Variants in CXCR4 observed in about 807,000 individuals in gnomAD.
CXCR4 encodes C-X-C motif chemokine receptor 4, also known as C-X-C chemokine receptor type 4.
In CXCR4, 6 loss-of-function variants were observed where a neutral mutation model predicts 22.4. The ratio of observed to expected loss-of-function variants is 0.27; its 90% CI spans 0.15 to 0.53. CXCR4 has a LOEUF of 0.53. Among genes scored for constraint, CXCR4 ranks in the 20% least tolerant of loss-of-function variants. The pLI, the probability that CXCR4 is intolerant of heterozygous loss-of-function variation, is 0.96. For missense variants in CXCR4, 300 were observed against 430.4 expected, an observed-to-expected ratio of 0.70 and a Z score of 2.68; for synonymous variants, 155 against 171.7, an observed-to-expected ratio of 0.90 and a Z score of 0.76.
chr2:136,118,111 C>T lies in CXCR4; in HGVS notation c.-51G>A, dbSNP rs2104922549. 6.2e-7 allele frequency: 1 copy of T among 1,603,872 alleles called. No homozygotes were observed. The highest frequency in any genetic ancestry group is 1.1e-5 in the South Asian group (1 of 90,392). The stretch of plus-strand genomic sequence containing the variant: ...GTGGCTACTGGAGCACTCAGGCCCT[C>T]GGCGTCACTTTGCTACCTGCTGCCG... On this transcript the variant is annotated 5_prime_UTR_variant, in exon 1 of 2. Transcript: ENST00000241393.
chr2:136,115,192 G>C lies in CXCR4; in HGVS notation c.736C>G (p.Leu246Val). The change falls in exon 2 of 2, where the codon CTG (leucine) becomes GTG (valine). Residue 246 changes from leucine to valine, a missense_variant. Leu to Val is a conservative substitution (Grantham distance 32). Coordinates refer to ENST00000241393, the MANE Select transcript of CXCR4 (RefSeq NM_003467.3). This position sits in a 1 kb window ranked among gnomAD's most constrained non-coding sequence, Gnocchi z 6.4. ...GGCAGCCAACAGGCGAAGAAAGCCA[G>C]GATGAGGATGACTGTGGTCTTGAGG... ...KALKTTVILI[L>V]AFFACWLPYY... The C allele has an allele frequency of 6.2e-7, 1 of 1,614,218 alleles. No individual in the cohort carries two copies. Among genetic ancestry groups the C allele is most frequent in the South Asian group, 1.1e-5 (1 of 91,080 alleles).
intron 1 of CXCR4, chr2:136,117,490 A>G (rs1684936457): frequency 6.5e-6 from 1 of 153,922 alleles, no homozygotes; most frequent in South Asian, 1.7e-4. Context: ...GGAGACTGGC[A>G]CAGCTCCGTC....
chr2:136,117,672 A>C, intron 1 of CXCR4: 1 of 206,432 alleles, frequency 4.8e-6, no homozygotes, highest in East Asian at 1.3e-4. Context: ...CGCTTCCCCA[A>C]GGAAGAGACC....
chr2:136,114,541 T>C lies in CXCR4; in HGVS notation c.*328A>G. On this transcript the variant is annotated 3_prime_UTR_variant, in exon 2 of 2. Coordinates refer to ENST00000241393, the MANE Select transcript of CXCR4 (RefSeq NM_003467.3). ...ACGTTCCACGGGAATGGAGAGATTA[T>C]CTATGCATAAACAGCTGGGGATCAT... 3.8e-6 allele frequency: 1 copy of C among 266,182 alleles called. No individual in the cohort carries two copies. Among genetic ancestry groups the C allele is most frequent in the South Asian group, 8.2e-5 (1 of 12,126 alleles). 16.5% of individuals were successfully genotyped at this position (266,182 alleles called of 1,614,324 possible). A position where few individuals can be genotyped will look rare whatever the true frequency, so the allele number is the denominator to read the frequency against.
chr2:136,117,809 C>T (rs1684958094), intron 1 of CXCR4: 1 of 526,166 alleles, frequency 1.9e-6, no homozygotes, highest in Non-Finnish European at 3.3e-6. Context: ...CATGCAGCCA[C>T]TGGAACGCTC....
Position 136,115,224 on chromosome 2 carries a change from C to T in CXCR4, c.704G>A (p.Arg235His), listed in dbSNP as rs377287446. The stretch of plus-strand genomic sequence containing the variant: ...GATGACTGTGGTCTTGAGGGCCTTG[C>T]GCTTCTGGTGGCCCTTGGAGTGTGA... ...KLSHSKGHQK[R>H]KALKTTVILI... is the part of the protein sequence containing the mutation. Residue 235 changes from arginine (R) to histidine (H), a missense_variant, in exon 2 of 2, where the codon CGC becomes CAC. Arg to His is a conservative substitution (Grantham distance 29, BLOSUM62 0). Coordinates refer to ENST00000241393, the MANE Select transcript of CXCR4 (RefSeq NM_003467.3). This position sits in a 1 kb window ranked among gnomAD's most constrained non-coding sequence, Gnocchi z 6.4. 2.1e-5 allele frequency: 34 copies of T among 1,613,880 alleles called. No homozygotes were observed. The highest frequency in any genetic ancestry group is 9.4e-5 in the African/African-American group (7 of 74,844).
Position 136,114,920 on chromosome 2 carries a change from T to G in CXCR4, c.1008A>C (p.Gly336=). The G allele has an allele frequency of 6.2e-7, 1 of 1,612,204 alleles. No individual in the cohort carries two copies. Among genetic ancestry groups the G allele is most frequent in the Non-Finnish European group, 8.5e-7 (1 of 1,178,938 alleles). Residue 336 remains glycine, a synonymous_variant, in exon 2 of 2, where the codon GGA becomes GGC. Transcript: ENST00000241393. ...CAGACTCAGTGGAAACAGATGAATG[T>G]CCACCTCGCTTTCCTTTGGAGAGGA... is the stretch of plus-strand genomic sequence containing the variant. The part of the protein sequence containing the change: ...LKILSKGKRG[G]HSSVSTESES...
intron 1 of CXCR4, chr2:136,117,654 G>A (rs1684950433): frequency 5.1e-6 from 1 of 194,588 alleles, no homozygotes; most frequent in African/African-American, 2.4e-5. Context: ...CTCGCTCCAA[G>A]ACATCCCCGC....
In CXCR4 at chr2:136,118,085, G is replaced by C; in HGVS notation, c.-25C>G. 1.2e-6 allele frequency: 2 copies of C among 1,612,496 alleles called. No individual in the cohort carries two copies. The highest frequency in any genetic ancestry group is 1.7e-6 in the Non-Finnish European group (2 of 1,178,752). On this transcript the variant is annotated 5_prime_UTR_variant, in exon 1 of 2. Coordinates refer to ENST00000241393, the MANE Select transcript of CXCR4 (RefSeq NM_003467.3). ...TGGTAACCGCTGGTTCTCCAGATGCGGTGGCTACTGGAGCACTCAGGCCCT... is the reference window on the plus strand; with the variant it reads ...TGGTAACCGCTGGTTCTCCAGATGCCGTGGCTACTGGAGCACTCAGGCCCT...
Position 136,116,326 on chromosome 2 carries a change from G to A in CXCR4, c.16-414C>T. Reference sequence around the variant, plus strand: ...GGGGTGGGGTGGGTGCTGCTAGGAGGGGCAGTGATTAACTTTTTGTAAGAA... The same window carrying A: ...GGGGTGGGGTGGGTGCTGCTAGGAGAGGCAGTGATTAACTTTTTGTAAGAA... On this transcript the variant is annotated intron_variant, in intron 1 of 1. Coordinates refer to ENST00000241393, the MANE Select transcript of CXCR4 (RefSeq NM_003467.3). 5.1e-6 allele frequency: 4 copies of A among 790,044 alleles called. No individual in the cohort carries two copies. In the South Asian group the frequency reaches 1.0e-4, roughly 20 times the overall value. The allele number at this position is 790,044 out of a possible 1,614,324, so 48.9% of individuals were successfully genotyped here.
At position 136,115,130 on chromosome 2, in the gene CXCR4, G is replaced by A. The variant is rs781570700; in HGVS notation, c.798C>T (p.Leu266=). Residue 266 remains leucine, a synonymous_variant, in exon 2 of 2, where the codon CTC becomes CTT. Transcript: ENST00000241393. The surrounding 1 kb of genome is among the most constrained non-coding windows in gnomAD (Gnocchi z 6.4). The part of the protein sequence containing the change: ...YIGISIDSFI[L]LEIIKQGCEF... The stretch of plus-strand genomic sequence containing the variant: ...CACACCCTTGCTTGATGATTTCCAG[G>A]AGGATGAAGGAGTCGATGCTGATCC... 2 of 1,614,202 alleles carry A rather than the reference G, an allele frequency of 1.2e-6. No homozygotes were observed. The highest frequency in any genetic ancestry group is 1.7e-6 in the Non-Finnish European group (2 of 1,180,040).
intron 1 of CXCR4, chr2:136,117,800 A>G (rs1170143863): frequency 1.2e-5 from 6 of 484,648 alleles, no homozygotes; most frequent in Admixed American, 1.1e-4. Context: ...GGGGAGACAC[A>G]TGCAGCCACT....
chr2:136,117,976 C>T, intron 1 of CXCR4, 70 bp downstream of exon 1: 1 of 1,548,322 alleles, frequency 6.5e-7, no homozygotes, highest in Admixed American at 1.7e-5. Flanking sequence ...TCTGCCCGCT[C>T]GGAGAGGGGC....
chr2:136,116,190 A>G, intron 1 of CXCR4: 1 of 1,353,130 alleles, frequency 7.4e-7, no homozygotes, highest in East Asian at 3.2e-5. Flanking sequence ...GAGGGTTTCA[A>G]AGTCACATCT....
chr2:136,116,550 G>T (rs2104919387), intron 1 of CXCR4, among the ~76,000 whole-genome samples: 1 of 152,294 alleles, frequency 6.6e-6, no homozygotes, highest in East Asian at 1.9e-4. Flanking sequence ...GGTGCTTGGG[G>T]TATATTGGGC....
In CXCR4 at chr2:136,115,659, G is replaced by A. The variant is rs756830956; in HGVS notation, c.269C>T (p.Thr90Met). 8.1e-6 allele frequency: 13 copies of A among 1,614,234 alleles called. No individual in the cohort carries two copies. Among genetic ancestry groups the A allele is most frequent in the Admixed American group, 5.0e-5 (3 of 60,034 alleles). ...LSVADLLFVI[T>M]LPFWAVDAVA... Reference sequence around the variant, plus strand: ...GGCATCAACTGCCCAGAAGGGAAGCGTGATGACAAAGAGGAGGTCGGCCAC... The same window carrying A: ...GGCATCAACTGCCCAGAAGGGAAGCATGATGACAAAGAGGAGGTCGGCCAC... Residue 90 changes from threonine to methionine, a missense_variant, in exon 2 of 2, where the codon ACG becomes ATG. Thr to Met is a moderately conservative substitution (Grantham distance 81). Around this residue, in one of 3 missense-constraint regions of CXCR4, gnomAD observed 118 missense variants for 188.2 expected, o/e 0.63. Coordinates refer to ENST00000241393, the MANE Select transcript of CXCR4 (RefSeq NM_003467.3). The surrounding 1 kb of genome is among the most constrained non-coding windows in gnomAD (Gnocchi z 6.4).
intron 1 of CXCR4, chr2:136,116,298 TG>T (rs1441854186): frequency 9.6e-7 from 1 of 1,036,784 alleles, no homozygotes; most frequent in Non-Finnish European, 1.2e-6. Flanking sequence ...CCAGGCGGCG[TG>T]GGGGGTGGGG....
At chr2:136,117,963 G>C (rs917872187) in intron 1 of CXCR4, 83 bp downstream of exon 1, 2 of 1,424,120 alleles carry the variant, frequency 1.4e-6, no homozygotes, top group Non-Finnish European at 2.0e-6. Flanking sequence ...TGTCCTGGCC[G>C]CTTCTGCCCG....
Position 136,115,238 on chromosome 2 carries a change from C to T in CXCR4, c.690G>A (p.Lys230=), listed in dbSNP as rs769242131. The T allele has an allele frequency of 3.1e-6, 5 of 1,613,962 alleles. No homozygotes were observed. Among genetic ancestry groups the T allele is most frequent in the South Asian group, 1.1e-5 (1 of 91,066 alleles). The change falls in exon 2 of 2, where the codon AAG becomes AAA. Residue 230 remains lysine (K), a synonymous_variant. Coordinates refer to ENST00000241393, the MANE Select transcript of CXCR4 (RefSeq NM_003467.3). This position sits in a 1 kb window ranked among gnomAD's most constrained non-coding sequence, Gnocchi z 6.4. ...TGAGGGCCTTGCGCTTCTGGTGGCC[C>T]TTGGAGTGTGACAGCTTGGAGATGA... The part of the protein sequence containing the change: ...CIIISKLSHS[K]GHQKRKALKT...
Sources: gnomAD v4.1 joint callset for allele counts (sites outside exome capture counted in the v4.1 genomes callset) on GRCh38, gnomAD v4.1.1 for gene constraint, gnomAD v4.1.1 regional missense constraint, Gnocchi (gnomAD v3.1) non-coding constraint, MANE v1.5 for transcripts, NCBI Gene and HGNC (gene_info 2026-07-23, HGNC 2026-07-21) for gene names.